The following EYA1 variants were observed in gnomAD, a reference collection of about 807,000 sequenced individuals.
EYA1 encodes protein phosphatase EYA1.
A neutral mutation model predicts 82.0 loss-of-function variants in EYA1; 16 were observed. That is an observed-to-expected ratio of 0.20 (90% CI 0.13 to 0.30). EYA1 has a LOEUF of 0.30. Among genes scored for constraint, EYA1 ranks in the 10% least tolerant of loss-of-function variants. EYA1 has a pLI of 1.00. For missense variants in EYA1, 633 were observed against 730.7 expected, an observed-to-expected ratio of 0.87 and a Z score of 1.54; for synonymous variants, 261 against 264.4, an observed-to-expected ratio of 0.99 and a Z score of 0.12.
intron 2 of EYA1, among the ~76,000 whole-genome samples, chr8:71,526,652 C>G (rs1813840263): frequency 6.6e-6 from 1 of 152,200 alleles, no homozygotes; most frequent in African/African-American, 2.4e-5. Flanking sequence ...ACAGGGATGC[C>G]TGAGTGCCCT....
chr8:71,444,057 G>T (rs1301005658), intron 2 of EYA1, among the ~76,000 whole-genome samples: 2 of 152,178 alleles, frequency 1.3e-5, no homozygotes, highest in African/African-American at 2.4e-5. Context: ...CTGAGTGAAT[G>T]GTTGGTTTGC....
At chr8:71,207,262 C>A (rs1563613651) in intron 17 of EYA1, among the ~76,000 whole-genome samples, 1 of 152,140 alleles carries the variant, frequency 6.6e-6, no homozygotes, top group African/African-American at 2.4e-5. Flanking sequence ...TACTCATTAT[C>A]TTTTGTGAAT....
intron 2 of EYA1, among the ~76,000 whole-genome samples, chr8:71,503,676 C>A (rs147351412): frequency 6.6e-6 from 1 of 152,174 alleles, no homozygotes; most frequent in African/African-American, 2.4e-5. Flanking sequence ...ACTACTTCTT[C>A]GACAAATGAT....
chr8:71,253,844 C>A (rs1400915938), intron 11 of EYA1, among the ~76,000 whole-genome samples: 1 of 152,046 alleles, frequency 6.6e-6, no homozygotes, highest in Non-Finnish European at 1.5e-5. Context: ...AAGCCTTAAT[C>A]AAAAATATGC....
At chr8:71,486,046 T>C (rs962321356) in intron 2 of EYA1, among the ~76,000 whole-genome samples, 13 of 152,108 alleles carry the variant, frequency 8.5e-5, no homozygotes, top group Admixed American at 8.5e-4. Context: ...ATCTTCATAG[T>C]GAGTATCGGG....
intron 2 of EYA1, among the ~76,000 whole-genome samples, chr8:71,476,850 A>C (rs1809703476): frequency 6.6e-6 from 1 of 152,136 alleles, no homozygotes; most frequent in Non-Finnish European, 1.5e-5. Flanking sequence ...AGTAATACAA[A>C]AAAGTGTTGT....
intron 9 of EYA1, among the ~76,000 whole-genome samples, chr8:71,282,992 AATT>A (rs1238411021): frequency 9.3e-5 from 14 of 150,594 alleles, no homozygotes; most frequent in African/African-American, 3.2e-4. Flanking sequence ...TGACTAGAGA[AATT>A]ATTTACAGGT....
At chr8:71,399,203 C>G (rs529234522) in intron 2 of EYA1, among the ~76,000 whole-genome samples, 156 of 152,296 alleles carry the variant, frequency 1.0e-3, no homozygotes, top group African/African-American at 3.7e-3. Context: ...CACGGCTTCC[C>G]TTTGCTAGGA....
intron 12 of EYA1, among the ~76,000 whole-genome samples, chr8:71,223,317 C>T (rs547034815): frequency 6.6e-6 from 1 of 152,272 alleles, no homozygotes; most frequent in African/African-American, 2.4e-5. Flanking sequence ...CTCTGCTTTT[C>T]CACAACAGGA....
At chr8:71,494,647 T>C (rs1454194479) in intron 2 of EYA1, among the ~76,000 whole-genome samples, 1 of 151,988 alleles carries the variant, frequency 6.6e-6, no homozygotes, top group Admixed American at 6.6e-5. Context: ...GCAAGAAAAA[T>C]GCTGCACATT....
chr8:71,463,549 A>G (rs1240280493), intron 2 of EYA1, among the ~76,000 whole-genome samples: 1 of 143,044 alleles, frequency 7.0e-6, no homozygotes, highest in Non-Finnish European at 1.5e-5. Context: ...CATTATGCTT[A>G]GGTTATTTCT....
At chr8:71,369,443 CTA>C (rs1226664242) in intron 2 of EYA1, among the ~76,000 whole-genome samples, 3 of 152,196 alleles carry the variant, frequency 2.0e-5, no homozygotes, top group Non-Finnish European at 4.4e-5. Context: ...CGGGCTTTCT[CTA>C]TGTCTTCTGT....
chr8:71,265,323 G>C (rs113382314), intron 11 of EYA1, among the ~76,000 whole-genome samples: 2 of 152,218 alleles, frequency 1.3e-5, no homozygotes, highest in African/African-American at 4.8e-5. Flanking sequence ...CTTGATAACA[G>C]CACCTTTGGA....
intron 2 of EYA1, among the ~76,000 whole-genome samples, chr8:71,413,870 A>G (rs188211502): frequency 6.6e-6 from 1 of 152,300 alleles, no homozygotes. Flanking sequence ...GAAAGGAATC[A>G]TTTTGCTTTG....
chr8:71,384,791 T>C (rs997958663), intron 2 of EYA1, among the ~76,000 whole-genome samples: 3 of 152,186 alleles, frequency 2.0e-5, no homozygotes, highest in Non-Finnish European at 4.4e-5. Flanking sequence ...AGGAAAATCG[T>C]TACATTCACT....
chr8:71,299,946 A>G lies in EYA1; in HGVS notation c.557-226T>C, dbSNP rs9657098. Among the ~76,000 whole-genome samples, 16,543 of 152,250 alleles carry G rather than the reference A, an allele frequency of 0.11. 981 individuals are homozygous for G. The highest frequency in any genetic ancestry group is 0.21 in the South Asian group (1,009 of 4,820). On this transcript the variant is annotated intron_variant, in intron 7 of 17. Transcript: ENST00000340726. ...ATTTCCAAGGATGTTAGTAACTTAT[A>G]TAGACTAATGACAAAATAATACATT...
At chr8:71,312,240 C>T (rs867686267) in intron 7 of EYA1, among the ~76,000 whole-genome samples, 1 of 152,060 alleles carries the variant, frequency 6.6e-6, no homozygotes, top group Non-Finnish European at 1.5e-5. Context: ...ATTTAAAGAC[C>T]AAGCAACAAC....
chr8:71,456,633 A>C (rs1200306349), intron 2 of EYA1, among the ~76,000 whole-genome samples: 1 of 152,004 alleles, frequency 6.6e-6, no homozygotes, highest in Non-Finnish European at 1.5e-5. Flanking sequence ...TCTTTGACAA[A>C]CCTGAAAAAA....
At chr8:71,264,722 G>A (rs1044598855) in intron 11 of EYA1, among the ~76,000 whole-genome samples, 2 of 151,664 alleles carry the variant, frequency 1.3e-5, no homozygotes, top group African/African-American at 2.4e-5. Flanking sequence ...AGGACTACAC[G>A]CATGTGCCAC....
Sources: allele counts gnomAD v4.1 joint callset (sites outside exome capture counted in the v4.1 genomes callset), GRCh38; gene constraint gnomAD v4.1.1; transcripts MANE v1.5; gene names NCBI Gene and HGNC (gene_info 2026-07-23, HGNC 2026-07-21).